The following CDH4 variants were observed in gnomAD, a reference collection of about 807,000 sequenced individuals.
The protein encoded by CDH4 is cadherin 4.
In CDH4, 33 loss-of-function variants were observed where a neutral mutation model predicts 86.0. The ratio of observed to expected loss-of-function variants is 0.38; its 90% CI spans 0.29 to 0.51. The LOEUF (loss-of-function observed/expected upper bound fraction) is 0.51, where lower values mean the gene tolerates loss of function less well. Among genes scored for constraint, CDH4 ranks in the 20% least tolerant of loss-of-function variants. The probability of loss-of-function intolerance (pLI) is 0.86; values close to 1 mark genes in which losing one functional copy is unlikely to be tolerated. For synonymous variants in CDH4, 555 were observed against 549.4 expected (o/e 1.01, Z -0.14); for missense variants, 1,114 against 1,307.4 (o/e 0.85, Z 2.28).
intron 2 of CDH4, among the ~76,000 whole-genome samples, chr20:61,329,755 T>C (rs1433953084): frequency 6.6e-6 from 1 of 152,218 alleles, no homozygotes; most frequent in Non-Finnish European, 1.5e-5. Flanking sequence ...TAGGCAAGCA[T>C]GTGCCGTGGT....
chr20:61,421,961 G>A (rs2085180054), intron 2 of CDH4, among the ~76,000 whole-genome samples: 1 of 152,116 alleles, frequency 6.6e-6, no homozygotes. Context: ...GAGCAGTGTG[G>A]GGCTGACACA....
chr20:61,528,397 G>A (rs1352946835), intron 2 of CDH4, among the ~76,000 whole-genome samples: 1 of 128,560 alleles, frequency 7.8e-6, no homozygotes, highest in Non-Finnish European at 1.6e-5. Flanking sequence ...GAGAGGAGGG[G>A]AAGGGAGGGG....
At chr20:61,725,487 C>T (rs190591957) in intron 2 of CDH4, among the ~76,000 whole-genome samples, 1 of 152,276 alleles carries the variant, frequency 6.6e-6, no homozygotes, top group Non-Finnish European at 1.5e-5. Flanking sequence ...CTGAAGCTCA[C>T]CTAGGCCTCA....
At chr20:61,561,691 C>T (rs1323701835) in intron 2 of CDH4, among the ~76,000 whole-genome samples, 2 of 152,198 alleles carry the variant, frequency 1.3e-5, no homozygotes, top group African/African-American at 4.8e-5. Flanking sequence ...GCATCCTATC[C>T]TGCTTTTGTG....
intron 2 of CDH4, among the ~76,000 whole-genome samples, chr20:61,662,716 C>T (rs2087273313): frequency 6.6e-6 from 1 of 152,176 alleles, no homozygotes; most frequent in Non-Finnish European, 1.5e-5. Flanking sequence ...CTCGCGTGGC[C>T]AACACAGGGC....
intron 2 of CDH4, among the ~76,000 whole-genome samples, chr20:61,546,248 T>C (rs2086085354): frequency 6.6e-6 from 1 of 151,534 alleles, no homozygotes; most frequent in Non-Finnish European, 1.5e-5. Flanking sequence ...TGGGGGTATG[T>C]GGGATACAGT....
chr20:61,643,343 C>A (rs567304102), intron 2 of CDH4, among the ~76,000 whole-genome samples: 4 of 152,348 alleles, frequency 2.6e-5, no homozygotes, highest in African/African-American at 7.2e-5. Context: ...CTTAAAGGCC[C>A]CACCTCTCAG....
chr20:61,895,107 G>A (rs1397717900), intron 8 of CDH4, 60 bp downstream of exon 8: 16 of 1,569,192 alleles, frequency 1.0e-5, no homozygotes, highest in South Asian at 2.4e-5. Flanking sequence ...ATGCACTGGC[G>A]TGCGGCACAG....
At position 61,863,162 on chromosome 20, in the gene CDH4, T is replaced by C. The variant is rs1983401909; in HGVS notation, c.877+10264T>C. 2.0e-5 allele frequency among the ~76,000 whole-genome samples: 3 copies of C among 152,224 alleles called. No homozygotes were observed. In the South Asian group the frequency reaches 6.2e-4, roughly 31 times the overall value. ...TAAGGCGCATGGCAGCGTTGGTACA[T>C]GAATTCCGAGAAAGAGCCGAGCCTG... On this transcript the variant is annotated intron_variant, in intron 6 of 15. Transcript: ENST00000614565.
At chr20:61,324,106 T>C (rs964201531) in intron 2 of CDH4, among the ~76,000 whole-genome samples, 2 of 152,132 alleles carry the variant, frequency 1.3e-5, no homozygotes, top group African/African-American at 4.8e-5. Flanking sequence ...TGGGAGTGTG[T>C]GCGATACTGA....
chr20:61,788,985 T>A (rs964681469), intron 4 of CDH4, among the ~76,000 whole-genome samples: 7 of 152,202 alleles, frequency 4.6e-5, no homozygotes, highest in Non-Finnish European at 8.8e-5. Flanking sequence ...TCTAAAACCA[T>A]GCCCCAGAAA....
chr20:61,783,755 T>G (rs186273198), intron 4 of CDH4, among the ~76,000 whole-genome samples: 8 of 118,818 alleles, frequency 6.7e-5, no homozygotes, highest in South Asian at 6.3e-4. Context: ...CCGGGAGAAA[T>G]GTAAGCCTAG....
chr20:61,652,143 G>A (rs562493824), intron 2 of CDH4, among the ~76,000 whole-genome samples: 13 of 152,198 alleles, frequency 8.5e-5, no homozygotes, highest in African/African-American at 1.2e-4. Context: ...TAATGTCACC[G>A]TCTCTTTATT....
Position 61,394,915 on chromosome 20 carries a change from A to G in CDH4, c.169+139978A>G, listed in dbSNP as rs548505535. Among the ~76,000 whole-genome samples the G allele has an allele frequency of 5.1e-3, 711 of 138,450 alleles. 7 individuals carry two copies. Among genetic ancestry groups the G allele is most frequent in the African/African-American group, 0.019 (699 of 37,558 alleles). 90.8% of individuals were successfully genotyped at this position (138,450 alleles called of 152,430 possible). On this transcript the variant is annotated intron_variant, in intron 2 of 15. Coordinates refer to ENST00000614565, the MANE Select transcript of CDH4 (RefSeq NM_001794.5). Reference sequence around the variant, plus strand: ...TGCCCCTGTCACCCCCACCCCGCCCAGCAGTGATTCTGAGGCCCCAAGGTC... The same window carrying G: ...TGCCCCTGTCACCCCCACCCCGCCCGGCAGTGATTCTGAGGCCCCAAGGTC...
At chr20:61,310,926 A>G (rs2084442028) in intron 2 of CDH4, among the ~76,000 whole-genome samples, 1 of 152,170 alleles carries the variant, frequency 6.6e-6, no homozygotes, top group Non-Finnish European at 1.5e-5. Flanking sequence ...CCCTGGCTCC[A>G]AATACAGCCA....
intron 2 of CDH4, among the ~76,000 whole-genome samples, chr20:61,485,311 GGGTGGCT>G (rs1380778863): frequency 1.3e-5 from 2 of 152,150 alleles, no homozygotes; most frequent in African/African-American, 2.4e-5. Context: ...GCTGGATTTG[GGGTGGCT>G]ATTGTGGATC....
At chr20:61,883,779 C>G (rs533195151) in intron 7 of CDH4, among the ~76,000 whole-genome samples, 1 of 152,328 alleles carries the variant, frequency 6.6e-6, no homozygotes, top group East Asian at 1.9e-4. Context: ...CCCCTGCCTG[C>G]CTCCATCTTG....
rs116681265 is a variant in CDH4 at position 61,266,763 on chromosome 20, G to A, written c.169+11826G>A. ...TGCCTGGGGGGTGCTTGCTAAACTC[G>A]CCAGCCCCGTGGGTCCTATCCCAGA... On this transcript the variant is annotated intron_variant, in intron 2 of 15. Coordinates refer to ENST00000614565, the MANE Select transcript of CDH4 (RefSeq NM_001794.5). Among the ~76,000 whole-genome samples, 546 of 152,116 alleles carry A rather than the reference G, an allele frequency of 3.6e-3. 3 individuals are homozygous for A. Among genetic ancestry groups the A allele is most frequent in the African/African-American group, 0.012 (510 of 41,500 alleles).
chr20:61,735,474 C>A (rs2088251113), intron 2 of CDH4, among the ~76,000 whole-genome samples: 4 of 152,152 alleles, frequency 2.6e-5, no homozygotes, highest in Admixed American at 2.0e-4. Flanking sequence ...CAGGAAGGTG[C>A]CTGCAGGGAC....
Sources: gnomAD v4.1 joint callset for allele counts (sites outside exome capture counted in the v4.1 genomes callset) on GRCh38, gnomAD v4.1.1 for gene constraint, MANE v1.5 for transcripts, NCBI Gene and HGNC (gene_info 2026-07-23, HGNC 2026-07-21) for gene names.